Variants in CAST observed in about 807,000 individuals in gnomAD.
The protein encoded by CAST is MIR583 host.
CAST carries 76 observed loss-of-function variants against 119.6 expected under a neutral mutation model. The ratio of observed to expected loss-of-function variants is 0.64; its 90% CI spans 0.53 to 0.77. The LOEUF (loss-of-function observed/expected upper bound fraction) is 0.77. CAST is among the 30% of genes least tolerant of loss of function. The pLI is 0.00. For synonymous variants in CAST, 319 were observed against 331.6 expected, an observed-to-expected ratio of 0.96 and a Z score of 0.41; for missense variants, 953 against 946.5, an observed-to-expected ratio of 1.01 and a Z score of -0.09.
At chr5:96,724,511 T>A (rs1758887552) in intron 4 of CAST, among the ~76,000 whole-genome samples, 1 of 152,062 alleles carries the variant, frequency 6.6e-6, no homozygotes, top group African/African-American at 2.4e-5. Flanking sequence ...TTTTAAAAAA[T>A]ATTCCAGAAG....
chr5:96,017,660 C>T, the CAST span, among the ~76,000 whole-genome samples: 5 of 151,906 alleles, frequency 3.3e-5, no homozygotes, highest in African/African-American at 1.2e-4. Flanking sequence ...TGGGGGCACA[C>T]AAAAAATGTT....
intron 24 of CAST, 158 bp from the exon 25 acceptor site, chr5:96,762,115 GA>G (rs1277107890): frequency 3.8e-5 from 17 of 453,284 alleles, no homozygotes; most frequent in Admixed American, 2.0e-4. Flanking sequence ...AGAGAAGAAA[GA>G]ATTTAAATTT....
chr5:96,130,507 A>G, the CAST span, among the ~76,000 whole-genome samples: 530 of 152,104 alleles, frequency 3.5e-3, 2 homozygotes, highest in African/African-American at 4.5e-3. Context: ...ATTAACAATA[A>G]AGTATCATAC....
chr5:96,050,122 CAG>C, the CAST span: 2 of 152,268 alleles, frequency 1.3e-5, no homozygotes, highest in Non-Finnish European at 2.9e-5. Flanking sequence ...GGGAGAATAT[CAG>C]AGTTTTGCCA....
At chr5:95,968,200 C>T in the CAST span, among the ~76,000 whole-genome samples, 2 of 152,242 alleles carry the variant, frequency 1.3e-5, no homozygotes, top group African/African-American at 4.8e-5. Context: ...AGACTTAAGT[C>T]ATTTGAATAA....
chr5:96,454,900 C>T, the CAST span, among the ~76,000 whole-genome samples: 2 of 152,172 alleles, frequency 1.3e-5, no homozygotes, highest in African/African-American at 4.8e-5. Flanking sequence ...AAAATGAAAG[C>T]AAGCATTTGG....
chr5:96,336,560 G>C, the CAST span, among the ~76,000 whole-genome samples: 2 of 152,168 alleles, frequency 1.3e-5, no homozygotes, highest in Non-Finnish European at 2.9e-5. Context: ...GAACTTGTCT[G>C]TTATGAAGAG....
chr5:96,591,173 CA>C (rs1346883697), intron 1 of CAST, among the ~76,000 whole-genome samples: 1 of 152,138 alleles, frequency 6.6e-6, no homozygotes, highest in Non-Finnish European at 1.5e-5. Context: ...AGAAGCAGAG[CA>C]AATAGCACTT....
chr5:96,315,899 G>A, the CAST span, among the ~76,000 whole-genome samples: 2 of 152,126 alleles, frequency 1.3e-5, no homozygotes, highest in African/African-American at 4.8e-5. Flanking sequence ...AGATCCAGCT[G>A]AGCCCAGACT....
chr5:96,505,103 C>A, the CAST span, among the ~76,000 whole-genome samples: 1 of 152,126 alleles, frequency 6.6e-6, no homozygotes, highest in Non-Finnish European at 1.5e-5. Context: ...GTTTACATTT[C>A]TCTTGGGTAA....
At chr5:96,737,792 C>G in intron 10 of CAST, 57 bp from the exon 11 acceptor site, 1 of 999,142 alleles carries the variant, frequency 1.0e-6, no homozygotes, top group South Asian at 1.5e-5. Flanking sequence ...TGTAGTTAAA[C>G]TAAAGGTGAA....
chr5:96,179,175 T>C, the CAST span, among the ~76,000 whole-genome samples: 4 of 152,352 alleles, frequency 2.6e-5, no homozygotes, highest in East Asian at 7.7e-4. Context: ...CTATCTACAC[T>C]GTCTAAAACA....
the CAST span, among the ~76,000 whole-genome samples, chr5:96,301,048 A>T: frequency 6.6e-6 from 1 of 152,140 alleles, no homozygotes; most frequent in African/African-American, 2.4e-5. Context: ...ATTTATGAAG[A>T]AAAGCAGTTT....
At chr5:96,022,244 C>T in the CAST span, among the ~76,000 whole-genome samples, 6 of 152,020 alleles carry the variant, frequency 3.9e-5, no homozygotes, top group South Asian at 2.1e-4. Flanking sequence ...TATACCTAAA[C>T]GCTGTTTAAA....
At chr5:96,633,470 T>G (rs1010676141) in intron 1 of CAST, among the ~76,000 whole-genome samples, 1 of 152,246 alleles carries the variant, frequency 6.6e-6, no homozygotes, top group African/African-American at 2.4e-5. Flanking sequence ...ATTCTTTTGA[T>G]GCCATTTAAA....
At chr5:95,961,992 C>T in the CAST span, 4 of 421,522 alleles carry the variant, frequency 9.5e-6, no homozygotes, top group East Asian at 7.1e-5. Context: ...CGGGGGCGGG[C>T]CCAAAGTCAC....
chr5:96,011,880 T>C, the CAST span, among the ~76,000 whole-genome samples: 1 of 152,166 alleles, frequency 6.6e-6, no homozygotes, highest in Non-Finnish European at 1.5e-5. Flanking sequence ...AATACATTCT[T>C]AGAGTAAGAT....
At chr5:96,755,685 T>C (rs1367845933) in intron 22 of CAST, among the ~76,000 whole-genome samples, 1 of 152,240 alleles carries the variant, frequency 6.6e-6, no homozygotes, top group Non-Finnish European at 1.5e-5. Context: ...CACTCATCCA[T>C]GTGCACTAGC....
At chr5:96,706,904 C>G (rs2150340660) in intron 3 of CAST, among the ~76,000 whole-genome samples, 1 of 152,274 alleles carries the variant, frequency 6.6e-6, no homozygotes, top group Non-Finnish European at 1.5e-5. Context: ...TCCTGGGGCT[C>G]TACGCAGTTT....
Sources: gnomAD v4.1 joint callset for allele counts (sites outside exome capture counted in the v4.1 genomes callset) on GRCh38, gnomAD v4.1.1 for gene constraint, MANE v1.5 for transcripts, NCBI Gene and HGNC (gene_info 2026-07-23, HGNC 2026-07-21) for gene names.